Variants in NUP37 observed in about 807,000 individuals in gnomAD.
NUP37 encodes nucleoporin 37.
A neutral mutation model predicts 45.4 loss-of-function variants in NUP37; 33 were observed. That is an observed-to-expected ratio of 0.73 (90% confidence interval 0.55 to 0.97). The LOEUF (loss-of-function observed/expected upper bound fraction) is 0.97. Ranked by LOEUF, NUP37 falls within the 50% of genes least tolerant of loss-of-function variation. NUP37 has a pLI of 0.00. For missense variants in NUP37, 365 were observed against 389.7 expected (o/e 0.94, Z 0.53); for synonymous variants, 127 against 130.7 (o/e 0.97, Z 0.19).
intron 9 of NUP37, 140 bp downstream of exon 9, chr12:102,074,861 C>G (rs1879124133): frequency 6.4e-6 from 3 of 470,902 alleles, no homozygotes; most frequent in Non-Finnish European, 7.3e-6. Flanking sequence ...AATGAACCAC[C>G]TTTTCTTGCA....
intron 9 of NUP37, 65 bp downstream of exon 9, chr12:102,074,936 G>T: frequency 9.7e-7 from 1 of 1,029,798 alleles, no homozygotes; most frequent in South Asian, 2.0e-5. Flanking sequence ...GCTATGAGTG[G>T]AAAAGTCAAA....
intron 8 of NUP37, among the ~76,000 whole-genome samples, chr12:102,076,565 G>A (rs1201002141): frequency 1.3e-5 from 2 of 152,128 alleles, no homozygotes; most frequent in South Asian, 2.1e-4. Flanking sequence ...TGGTAGTGGT[G>A]GAGTGGTTAC....
chr12:102,097,378 C>T (rs1879834373), intron 5 of NUP37, among the ~76,000 whole-genome samples: 1 of 152,156 alleles, frequency 6.6e-6, no homozygotes, highest in East Asian at 1.9e-4. Flanking sequence ...AAAAGACTTA[C>T]TCTTTAGTTA....
chr12:102,079,497 C>T (rs1265491144), intron 6 of NUP37, among the ~76,000 whole-genome samples: 1 of 152,098 alleles, frequency 6.6e-6, no homozygotes, highest in Non-Finnish European at 1.5e-5. Flanking sequence ...CCCTGCCAGC[C>T]TTTTTGATGA....
chr12:102,076,536 A>G (rs1879173312), intron 8 of NUP37, among the ~76,000 whole-genome samples: 2 of 152,246 alleles, frequency 1.3e-5, no homozygotes, highest in South Asian at 4.1e-4. Flanking sequence ...GAAGCATAAT[A>G]TATTCCAAAT....
chr12:102,074,341 T>C lies in NUP37; in HGVS notation c.*13A>G, dbSNP rs765141248. 2.7e-6 allele frequency: 4 copies of C among 1,501,986 alleles called. No individual in the cohort carries two copies. In the South Asian group the frequency reaches 4.7e-5, roughly 17 times the overall value. The allele number at this position is 1,501,986 out of a possible 1,614,324, so 93.0% of individuals were successfully genotyped here. A position where few individuals can be genotyped will look rare whatever the true frequency, so the allele number is the denominator to read the frequency against. ...AAATACAAAGTTTGTGAATCTAAGGTACAGAAAACACTTTATACTTCAGTC... is the reference window on the plus strand; with the variant it reads ...AAATACAAAGTTTGTGAATCTAAGGCACAGAAAACACTTTATACTTCAGTC... On this transcript the variant is annotated 3_prime_UTR_variant, in exon 10 of 10. Transcript: ENST00000552283.
At chr12:102,091,950 C>T (rs547635656) in intron 5 of NUP37, among the ~76,000 whole-genome samples, 1 of 152,188 alleles carries the variant, frequency 6.6e-6, no homozygotes, top group African/African-American at 2.4e-5. Context: ...AGTATCCCTA[C>T]CATATGGTAT....
chr12:102,088,325 T>C lies in NUP37; in HGVS notation c.450-2469A>G, dbSNP rs1015761731. Among the ~76,000 whole-genome samples, 6 of 152,200 alleles carry C rather than the reference T, an allele frequency of 3.9e-5. No individual in the cohort carries two copies. The East Asian group carries it at 9.6e-4, about 24-fold the overall frequency. On this transcript the variant is annotated intron_variant, in intron 5 of 9. Coordinates refer to ENST00000552283, the MANE Select transcript of NUP37 (RefSeq NM_024057.4). The stretch of plus-strand genomic sequence containing the variant: ...TCTGGTTAATATTACTTACATGAGA[T>C]AGTCACTTTTTTTTGGGTAAAATTT...
Position 102,118,371 on chromosome 12 carries a change from T to C in NUP37, c.148A>G (p.Thr50Ala), listed in dbSNP as rs775434853. The change falls in exon 2 of 10, where the codon ACG (threonine) becomes GCG (alanine). Residue 50 changes from threonine to alanine, a missense_variant. Transcript: ENST00000552283. ...CAGTTTTGTAGACTAACCTGAAACG[T>C]ACACGTGCCAATGACCACATAATTA... Reference protein sequence around the residue: ...GNNYVVIGTCTFQEEEADVEG... With the variant: ...GNNYVVIGTCAFQEEEADVEG... 1.2e-5 allele frequency: 19 copies of C among 1,613,104 alleles called. No homozygotes were observed. In the East Asian group the frequency reaches 3.3e-4, roughly 28 times the overall value.
chr12:102,079,126 T>C, intron 6 of NUP37: 1 of 448,560 alleles, frequency 2.2e-6, no homozygotes, highest in South Asian at 1.6e-5. Context: ...TAAATAGTAG[T>C]GGTAGATTGG....
chr12:102,092,164 T>C (rs192251864), intron 5 of NUP37, among the ~76,000 whole-genome samples: 5 of 152,346 alleles, frequency 3.3e-5, no homozygotes, highest in African/African-American at 4.8e-5. Flanking sequence ...GGCAGCTCAT[T>C]GTTTGCTAGG....
intron 1 of NUP37, 66 bp from the exon 2 acceptor site, chr12:102,118,649 A>C (rs1880566586): frequency 1.3e-6 from 1 of 745,854 alleles, no homozygotes; most frequent in African/African-American, 1.8e-5. Context: ...AATGCATCAA[A>C]ATAAGGTTGT....
chr12:102,117,839 A>G (rs1880508962), intron 2 of NUP37, among the ~76,000 whole-genome samples: 1 of 152,202 alleles, frequency 6.6e-6, no homozygotes, highest in South Asian at 2.1e-4. Context: ...CCAGTTCTAG[A>G]ATTCATGCTC....
chr12:102,109,296 C>G (rs1367859242), intron 3 of NUP37, among the ~76,000 whole-genome samples: 1 of 152,038 alleles, frequency 6.6e-6, no homozygotes, highest in Non-Finnish European at 1.5e-5. Context: ...GATAAGCCAT[C>G]ATGAAGGATT....
Position 102,085,839 on chromosome 12 carries a change from C to A in NUP37, c.467G>T (p.Gly156Val). 1 of 1,584,850 alleles carries A rather than the reference C, an allele frequency of 6.3e-7. No homozygotes were observed. Among genetic ancestry groups the A allele is most frequent in the Non-Finnish European group, 8.7e-7 (1 of 1,155,732 alleles). The change falls in exon 6 of 10, where the codon GGA becomes GTA. Residue 156 changes from glycine to valine, a missense_variant. By Grantham distance (109) the Gly-to-Val change is moderately radical. Transcript: ENST00000552283. ...DHTCRIWNLE[G>V]VQTAHFVLHS... Reference sequence around the variant, plus strand: ...AAGAACAAAATGAGCTGTTTGCACTCCTTCCAAGTTCCAAATCCTAATAAA... The same window carrying A: ...AAGAACAAAATGAGCTGTTTGCACTACTTCCAAGTTCCAAATCCTAATAAA...
intron 6 of NUP37, among the ~76,000 whole-genome samples, chr12:102,079,683 G>C (rs1456872003): frequency 2.0e-5 from 3 of 152,050 alleles, no homozygotes; most frequent in Non-Finnish European, 4.4e-5. Flanking sequence ...CTTGCACTTA[G>C]AACACTAGCC....
chr12:102,110,019 T>G (rs1403751419), intron 3 of NUP37, among the ~76,000 whole-genome samples: 1 of 152,226 alleles, frequency 6.6e-6, no homozygotes, highest in East Asian at 1.9e-4. Context: ...CAAAAGCTAT[T>G]GTGTAGATTA....
At chr12:102,084,095 T>C (rs558362499) in intron 6 of NUP37, among the ~76,000 whole-genome samples, 5 of 152,344 alleles carry the variant, frequency 3.3e-5, no homozygotes, top group Middle Eastern at 3.4e-3. Flanking sequence ...GGGAGGCATA[T>C]GTTCAAATAC....
intron 3 of NUP37, among the ~76,000 whole-genome samples, chr12:102,107,483 T>C (rs1226986989): frequency 6.6e-6 from 1 of 152,112 alleles, no homozygotes; most frequent in Admixed American, 6.5e-5. Context: ...TAAGAAACAC[T>C]GAAGAAATAC....
Sources: gnomAD v4.1 joint callset for allele counts (sites outside exome capture counted in the v4.1 genomes callset) on GRCh38, gnomAD v4.1.1 for gene constraint, MANE v1.5 for transcripts, NCBI Gene and HGNC (gene_info 2026-07-23, HGNC 2026-07-21) for gene names.